Variants in BOP1 observed in about 807,000 individuals in gnomAD.
BOP1 encodes BOP1 ribosomal biogenesis factor.
In BOP1, 54 loss-of-function variants were observed where a neutral mutation model predicts 82.9. That is an observed-to-expected ratio of 0.65 (90% CI 0.52 to 0.82). The LOEUF (loss-of-function observed/expected upper bound fraction) is 0.82, where lower values mean the gene tolerates loss of function less well. Ranked by LOEUF, BOP1 falls within the 40% of genes least tolerant of loss-of-function variation. BOP1 has a pLI of 0.00. For missense variants in BOP1, 1,170 were observed against 1,072.0 expected, an observed-to-expected ratio of 1.09 and a Z score of -1.28; for synonymous variants, 566 against 451.1, an observed-to-expected ratio of 1.25 and a Z score of -3.23.
intron 2 of BOP1, among the ~76,000 whole-genome samples, chr8:144,288,171 G>A (rs1554839653): frequency 6.6e-6 from 1 of 151,900 alleles, no homozygotes; most frequent in East Asian, 1.9e-4. Context: ...TCAGGAGGCT[G>A]AGACAGGAGA....
At chr8:144,265,424 G>A (rs901887741) in intron 3 of BOP1, 2 of 408,964 alleles carry the variant, frequency 4.9e-6, no homozygotes, top group Non-Finnish European at 8.9e-6. Flanking sequence ...CCTGGCAGGG[G>A]CCTTAGGCAG....
chr8:144,273,392 T>TCCAGGCC (rs1339042255), intron 3 of BOP1, among the ~76,000 whole-genome samples: 7,788 of 152,174 alleles, frequency 0.051, 294 homozygotes, highest in African/African-American at 0.097. Flanking sequence ...GACTCCAGAC[T>TCCAGGCC]CCAGTGGAGG....
chr8:144,276,885 C>T lies in BOP1; in HGVS notation c.310-581G>A, dbSNP rs1018786686. Among the ~76,000 whole-genome samples the T allele has an allele frequency of 7.7e-4, 117 of 152,300 alleles. 2 individuals carry two copies. In the South Asian group the frequency reaches 0.013, roughly 17 times the overall value. On this transcript the variant is annotated intron_variant, in intron 2 of 15. Transcript: ENST00000569669. The stretch of plus-strand genomic sequence containing the variant: ...CCAGCAGAGGGCCCAGAGAGGGCCC[C>T]GAACACTCAGAAGGCCTGCCCAGCG...
chr8:144,284,467 C>T (rs1007839853), intron 2 of BOP1, among the ~76,000 whole-genome samples: 1 of 152,194 alleles, frequency 6.6e-6, no homozygotes, highest in African/African-American at 2.4e-5. Context: ...AGGCACTCTA[C>T]GGGCACCAAG....
At chr8:144,274,592 G>A (rs1845541341) in intron 3 of BOP1, among the ~76,000 whole-genome samples, 1 of 152,218 alleles carries the variant, frequency 6.6e-6, no homozygotes, top group Non-Finnish European at 1.5e-5. Flanking sequence ...CTGGCCGGCT[G>A]TGCTGGCAGG....
chr8:144,286,945 C>T (rs1365890283), intron 2 of BOP1, among the ~76,000 whole-genome samples: 3 of 152,364 alleles, frequency 2.0e-5, no homozygotes, highest in South Asian at 4.1e-4. Context: ...GAGAAGATGG[C>T]GCCTCCCTAG....
intron 2 of BOP1, among the ~76,000 whole-genome samples, chr8:144,287,006 C>A (rs782493940): frequency 6.6e-6 from 1 of 152,176 alleles, no homozygotes; most frequent in Non-Finnish European, 1.5e-5. Flanking sequence ...TGTTATTATG[C>A]GAAAACATTG....
intron 2 of BOP1, among the ~76,000 whole-genome samples, chr8:144,285,106 G>A (rs1489159142): frequency 6.6e-6 from 1 of 152,242 alleles, no homozygotes; most frequent in Non-Finnish European, 1.5e-5. Flanking sequence ...CAGCCACATC[G>A]CTGCCAGGAT....
At chr8:144,273,630 C>T (rs1036418021) in intron 3 of BOP1, among the ~76,000 whole-genome samples, 3 of 152,226 alleles carry the variant, frequency 2.0e-5, no homozygotes, top group South Asian at 2.1e-4. Context: ...GGGGCTGCTT[C>T]GGCAAAGGCC....
At chr8:144,262,348 C>CCAGA in intron 15 of BOP1, 31 bp from the exon 16 acceptor site, 1 of 1,612,682 alleles carries the variant, frequency 6.2e-7, no homozygotes, top group Non-Finnish European at 8.5e-7. Context: ...CAGGGCACGG[C>CCAGA]CAGACACCAC....
intron 3 of BOP1, among the ~76,000 whole-genome samples, chr8:144,270,477 C>T (rs1285288747): frequency 1.3e-5 from 2 of 152,156 alleles, no homozygotes; most frequent in African/African-American, 2.4e-5. Flanking sequence ...GGCCTGACTC[C>T]GACCGCGGCT....
intron 3 of BOP1, among the ~76,000 whole-genome samples, chr8:144,270,894 G>A (rs1387392929): frequency 6.6e-6 from 1 of 152,150 alleles, no homozygotes; most frequent in Non-Finnish European, 1.5e-5. Context: ...GAGCCGAGCT[G>A]GGCTGGAAAC....
Position 144,262,194 on chromosome 8 carries a change from C to A in BOP1, c.2211G>T (p.Gly737=), listed in dbSNP as rs1449257336. ...HPTQPWVFSS[G]ADGTVRLFT ...TGAAGAGGCGGACAGTCCCGTCTGC[C>A]CCCGAGGAGAAGACCCACGGCTGGG... Residue 737 remains glycine, a synonymous_variant, in exon 16 of 16, where the codon GGG becomes GGT. Transcript: ENST00000569669. 5.4e-5 allele frequency: 87 copies of A among 1,612,540 alleles called. No individual in the cohort carries two copies. The highest frequency in any genetic ancestry group is 7.0e-5 in the Non-Finnish European group (83 of 1,179,836).
chr8:144,271,324 C>A (rs1235155837), intron 3 of BOP1, among the ~76,000 whole-genome samples: 1 of 152,004 alleles, frequency 6.6e-6, no homozygotes, highest in South Asian at 2.1e-4. Flanking sequence ...CGCCTCCTCC[C>A]GTGTCTGTCT....
intron 3 of BOP1, chr8:144,266,839 C>G: frequency 7.6e-7 from 1 of 1,324,210 alleles, no homozygotes; most frequent in Non-Finnish European, 9.8e-7. Context: ...TGAGCCCCGG[C>G]AGCGGCACAC....
Position 144,264,419 on chromosome 8 carries a change from C to G in BOP1, c.784G>C (p.Ala262Pro). Residue 262 changes from alanine (A) to proline (P), a missense_variant, in exon 7 of 16, where the codon GCC becomes CCC. Ala to Pro is a conservative substitution (Grantham distance 27, BLOSUM62 -1). Transcript: ENST00000569669. ...GGCTGGATCCAGCCCATCTTGATGG[C>G]GTGCACCATGCGAGAGACCTGCATA... ...EKEKVSRMVHAIKMGWIQPRR... is the reference protein window; with the variant it reads ...EKEKVSRMVHPIKMGWIQPRR... The G allele has an allele frequency of 6.2e-7, 1 of 1,602,742 alleles. No homozygotes were observed. Among genetic ancestry groups the G allele is most frequent in the Non-Finnish European group, 8.5e-7 (1 of 1,179,674 alleles).
In BOP1 at chr8:144,263,402, CTG is replaced by C; in HGVS notation, c.1425-3_1425-2del. 9 of 1,597,844 alleles carry C rather than the reference CTG, an allele frequency of 5.6e-6. No homozygotes were observed. Among genetic ancestry groups the C allele is most frequent in the Non-Finnish European group, 7.6e-6 (9 of 1,179,652 alleles). On this transcript the variant is annotated splice_acceptor_variant and splice_polypyrimidine_tract_variant and intron_variant, in intron 11 of 15. Transcript: ENST00000569669. LOFTEE classifies it high-confidence loss of function. ...GTTCAGCAGCAGCACCGAGTCCTCC[CTG>C]TGAGCCAGGCCCAGACACGGCCCCT... is the stretch of plus-strand genomic sequence containing the variant.
chr8:144,283,944 C>A (rs1030920766), intron 2 of BOP1, among the ~76,000 whole-genome samples: 1 of 152,166 alleles, frequency 6.6e-6, no homozygotes, highest in Non-Finnish European at 1.5e-5. Flanking sequence ...ATGGTGAAAC[C>A]CGTCTCTCCT....
chr8:144,268,951 G>A (rs1446191273), intron 3 of BOP1, among the ~76,000 whole-genome samples: 3 of 152,122 alleles, frequency 2.0e-5, no homozygotes, highest in African/African-American at 7.2e-5. Flanking sequence ...CGGAGGGGGG[G>A]GCTCCCAGCC....
Sources: allele counts gnomAD v4.1 joint callset (sites outside exome capture counted in the v4.1 genomes callset), GRCh38; gene constraint gnomAD v4.1.1; transcripts MANE v1.5; gene names NCBI Gene and HGNC (gene_info 2026-07-23, HGNC 2026-07-21).